The following CNTN4 variants were observed in gnomAD, a reference collection of about 807,000 sequenced individuals.
The protein encoded by CNTN4 is contactin-4.
In CNTN4, 77 loss-of-function variants were observed where a neutral mutation model predicts 122.5. That is an observed-to-expected ratio of 0.63 (90% confidence interval 0.52 to 0.76). The LOEUF (loss-of-function observed/expected upper bound fraction) is 0.76, where lower values mean the gene tolerates loss of function less well. CNTN4 is among the 30% of genes least tolerant of loss of function. The pLI is 0.00. For synonymous variants in CNTN4, 512 were observed against 447.0 expected, an observed-to-expected ratio of 1.15 and a Z score of -1.83; for missense variants, 1,256 against 1,259.1, an observed-to-expected ratio of 1.00 and a Z score of 0.04.
chr3:2,651,042 A>T (rs112760022), intron 4 of CNTN4, among the ~76,000 whole-genome samples: 1 of 152,342 alleles, frequency 6.6e-6, no homozygotes, highest in East Asian at 1.9e-4. Flanking sequence ...GAACGCAAGG[A>T]TATTAACATC....
At chr3:2,983,139 T>G (rs1451917303) in intron 13 of CNTN4, among the ~76,000 whole-genome samples, 3 of 132,716 alleles carry the variant, frequency 2.3e-5, no homozygotes, top group East Asian at 2.3e-4. Context: ...GTATGAACCC[T>G]GGAGGTGGAG....
chr3:3,053,986 C>CT lies in CNTN4; in HGVS notation c.2980+18dup, dbSNP rs759141413. 5 of 1,613,600 alleles carry CT rather than the reference C, an allele frequency of 3.1e-6. No homozygotes were observed. The highest frequency in any genetic ancestry group is 4.5e-5 in the East Asian group (2 of 44,882). ...TTCCAAAGATATCAAGTGAGAATGC[C>CT]TTTTTTTCTCCCTTTTCTCCTGCCT... On this transcript the variant is annotated intron_variant, in intron 24 of 24. Transcript: ENST00000418658.
intron 3 of CNTN4, among the ~76,000 whole-genome samples, chr3:2,456,876 A>G (rs1159458980): frequency 6.6e-6 from 1 of 152,014 alleles, no homozygotes; most frequent in Non-Finnish European, 1.5e-5. Flanking sequence ...ATTCTTTGGG[A>G]GCTACATCTG....
At chr3:2,117,353 A>T (rs2033425128) in intron 2 of CNTN4, among the ~76,000 whole-genome samples, 1 of 152,254 alleles carries the variant, frequency 6.6e-6, no homozygotes, top group Non-Finnish European at 1.5e-5. Flanking sequence ...TGGGCCTTTC[A>T]TGCCCTTTCT....
intron 4 of CNTN4, among the ~76,000 whole-genome samples, chr3:2,595,301 C>A (rs1026439913): frequency 7.2e-5 from 11 of 152,096 alleles, no homozygotes; most frequent in African/African-American, 2.7e-4. Context: ...AGTTTTCATG[C>A]CAGTTAGATC....
chr3:2,261,924 T>G (rs1253472830), intron 2 of CNTN4, among the ~76,000 whole-genome samples: 1 of 152,192 alleles, frequency 6.6e-6, no homozygotes, highest in African/African-American at 2.4e-5. Flanking sequence ...TGTCGTCTTT[T>G]GCTTTCCCTC....
intron 14 of CNTN4, among the ~76,000 whole-genome samples, chr3:3,001,235 G>A (rs144272992): frequency 3.7e-4 from 56 of 152,200 alleles, no homozygotes; most frequent in African/African-American, 1.0e-3. Flanking sequence ...GACTTTTACC[G>A]CTACACAACC....
Position 2,392,163 on chromosome 3 carries a change from C to T in CNTN4, c.-89+52930C>T, listed in dbSNP as rs1464805001. Among the ~76,000 whole-genome samples, 5 of 152,336 alleles carry T rather than the reference C, an allele frequency of 3.3e-5. No individual in the cohort carries two copies. The South Asian group carries it at 6.2e-4, about 19-fold the overall frequency. Reference sequence around the variant, plus strand: ...CTGTCTCTCAGCCTTCCCAAATCCACTTGGCTATCTTCTGTAAGGAAAAGT... The same window carrying T: ...CTGTCTCTCAGCCTTCCCAAATCCATTTGGCTATCTTCTGTAAGGAAAAGT... On this transcript the variant is annotated intron_variant, in intron 3 of 24. Coordinates refer to ENST00000418658, the MANE Select transcript of CNTN4 (RefSeq NM_175607.3).
At position 2,376,077 on chromosome 3, in the gene CNTN4, T is replaced by C. The variant is rs191929008; in HGVS notation, c.-89+36844T>C. Among the ~76,000 whole-genome samples, 651 of 152,244 alleles carry C rather than the reference T, an allele frequency of 4.3e-3. 1 individual carries two copies. Among genetic ancestry groups the C allele is most frequent in the Admixed American group, 7.2e-3 (110 of 15,284 alleles). ...TACTGCTTGTGAAAGAAAAAAAATA[T>C]GAAATAAACACTTACTATTCTGTTA... On this transcript the variant is annotated intron_variant, in intron 3 of 24. Coordinates refer to ENST00000418658, the MANE Select transcript of CNTN4 (RefSeq NM_175607.3).
chr3:2,701,443 G>A (rs2086352428), intron 4 of CNTN4, among the ~76,000 whole-genome samples: 1 of 152,216 alleles, frequency 6.6e-6, no homozygotes, highest in Non-Finnish European at 1.5e-5. Context: ...TGAAAATGCA[G>A]TGGTTTTCCC....
chr3:2,786,506 C>T (rs1461728625), intron 6 of CNTN4, among the ~76,000 whole-genome samples: 1 of 151,562 alleles, frequency 6.6e-6, no homozygotes, highest in African/African-American at 2.4e-5. Context: ...GCAAGCTACC[C>T]CTTCACAAGT....
intron 5 of CNTN4, among the ~76,000 whole-genome samples, chr3:2,743,859 C>T (rs1193962866): frequency 6.6e-6 from 1 of 152,076 alleles, no homozygotes; most frequent in African/African-American, 2.4e-5. Flanking sequence ...AGCTGGAGTG[C>T]AGTTGCAGTG....
Position 3,043,131 on chromosome 3 carries a change from G to T in CNTN4, c.2666G>T (p.Ser889Ile). 1 of 1,614,126 alleles carries T rather than the reference G, an allele frequency of 6.2e-7. No homozygotes were observed. Among genetic ancestry groups the T allele is most frequent in the Non-Finnish European group, 8.5e-7 (1 of 1,180,028 alleles). ...AATTCTGCTGGGACAGGCCCCTCTA[G>T]TGCAACAGTCAATGTGACAACCCGA... ...AYNSAGTGPS[S>I]ATVNVTTRKP... is the part of the protein sequence containing the mutation. Residue 889 changes from serine to isoleucine, a missense_variant, in exon 22 of 25, where the codon AGT becomes ATT. Coordinates refer to ENST00000418658, the MANE Select transcript of CNTN4 (RefSeq NM_175607.3).
chr3:2,722,866 G>T (rs947352337), intron 4 of CNTN4, among the ~76,000 whole-genome samples: 2 of 152,172 alleles, frequency 1.3e-5, no homozygotes, highest in African/African-American at 4.8e-5. Context: ...CTTTAGGACA[G>T]AATATCCCTT....
chr3:2,649,014 G>A lies in CNTN4; in HGVS notation c.55+77456G>A, dbSNP rs139937048. Among the ~76,000 whole-genome samples the A allele has an allele frequency of 3.1e-3, 473 of 152,286 alleles. 2 individuals are homozygous for A. The highest frequency in any genetic ancestry group is 0.011 in the African/African-American group (450 of 41,550). ...AAGCGAAAGCCTAATCCAAAGCAAG[G>A]CCCTAATTCTCTTCAATTCTGTGAA... On this transcript the variant is annotated intron_variant, in intron 4 of 24. Coordinates refer to ENST00000418658, the MANE Select transcript of CNTN4 (RefSeq NM_175607.3).
At chr3:2,830,788 G>T (rs2093087166) in intron 7 of CNTN4, among the ~76,000 whole-genome samples, 1 of 152,192 alleles carries the variant, frequency 6.6e-6, no homozygotes, top group East Asian at 1.9e-4. Context: ...AAAGGAATGA[G>T]TGGTGCTTTG....
intron 2 of CNTN4, among the ~76,000 whole-genome samples, chr3:2,319,247 A>T (rs980683517): frequency 1.6e-4 from 25 of 152,176 alleles, no homozygotes; most frequent in Admixed American, 1.3e-3. Context: ...CATAAGATAA[A>T]TATTACAGTT....
rs373018902 is a variant in CNTN4, at chr3:2,745,608, A to G, written c.269A>G (p.Asn90Ser). Residue 90 changes from asparagine to serine, a missense_variant, in exon 6 of 25, where the codon AAT (asparagine) becomes AGT (serine). By Grantham distance (46) the Asn-to-Ser change is conservative. Coordinates refer to ENST00000418658, the MANE Select transcript of CNTN4 (RefSeq NM_175607.3). Reference sequence around the variant, plus strand: ...GGGAGCTTGTTGATCAATAACCCCAATAAAACCCAAGATGCTGGAACGTAC... The same window carrying G: ...GGGAGCTTGTTGATCAATAACCCCAGTAAAACCCAAGATGCTGGAACGTAC... Reference protein sequence around the residue: ...VEGSLLINNPNKTQDAGTYQC... With the variant: ...VEGSLLINNPSKTQDAGTYQC... The G allele has an allele frequency of 4.4e-5, 71 of 1,614,038 alleles. No individual in the cohort carries two copies. The highest frequency in any genetic ancestry group is 5.8e-5 in the Non-Finnish European group (69 of 1,180,012).
chr3:2,694,728 CAAAAAAAG>C (rs955595041), intron 4 of CNTN4, among the ~76,000 whole-genome samples: 50 of 151,690 alleles, frequency 3.3e-4, no homozygotes, highest in Middle Eastern at 3.4e-3. Context: ...GACCCTGTCT[CAAAAAAAG>C]AAAGAAAGAA....
Sources: gnomAD v4.1 joint callset for allele counts (sites outside exome capture counted in the v4.1 genomes callset) on GRCh38, gnomAD v4.1.1 for gene constraint, MANE v1.5 for transcripts, NCBI Gene and HGNC (gene_info 2026-07-23, HGNC 2026-07-21) for gene names.